Variants in PPP2R5C observed in about 807,000 individuals in gnomAD.
PPP2R5C encodes serine/threonine-protein phosphatase 2A 56 kDa regulatory subunit gamma isoform.
In PPP2R5C, 7 loss-of-function variants were observed where a neutral mutation model predicts 68.9. That is an observed-to-expected ratio of 0.10 (90% CI 0.06 to 0.19). The LOEUF (loss-of-function observed/expected upper bound fraction) is 0.19. Among genes scored for constraint, PPP2R5C ranks in the 10% least tolerant of loss-of-function variants. The pLI is 1.00. For synonymous variants in PPP2R5C, 210 were observed against 222.2 expected, an observed-to-expected ratio of 0.95 and a Z score of 0.49; for missense variants, 348 against 641.3, an observed-to-expected ratio of 0.54 and a Z score of 4.94.
intron 1 of PPP2R5C, among the ~76,000 whole-genome samples, chr14:101,828,320 G>A (rs2140316459): frequency 6.6e-6 from 1 of 152,246 alleles, no homozygotes; most frequent in East Asian, 1.9e-4. Flanking sequence ...ACTCGACAGA[G>A]GGCTGATTGC....
rs1049262995 is a variant in PPP2R5C at position 101,882,384 on chromosome 14, C to T, written c.405+113C>T. ...CAGATGGACCTCTCCTCCTCAGTAG[C>T]ATGGGCCTCGTAAACCCATATGTAC... On this transcript the variant is annotated intron_variant, in intron 3 of 13. Transcript: ENST00000334743. This position sits in a 1 kb window ranked among gnomAD's most constrained non-coding sequence, Gnocchi z 4.9. The T allele has an allele frequency of 5.8e-6, 4 of 685,106 alleles. No individual in the cohort carries two copies. The African/African-American group carries it at 7.3e-5, about 12-fold the overall frequency. 42.4% of individuals were successfully genotyped at this position (685,106 alleles called of 1,614,324 possible).
chr14:101,807,718 A>C (rs2140169934), upstream of PPP2R5C, among the ~76,000 whole-genome samples: 1 of 152,200 alleles, frequency 6.6e-6, no homozygotes, highest in East Asian at 1.9e-4. Flanking sequence ...GGTTCTTTAA[A>C]GAACTACTTA....
chr14:101,913,401 C>A lies in PPP2R5C; in HGVS notation c.1326+928C>A, dbSNP rs981046740. The stretch of plus-strand genomic sequence containing the variant: ...CATGAATATAAAGTTAAAAGTATAT[C>A]TTTACCTATATAACAACATACTGGT... On this transcript the variant is annotated intron_variant, in intron 12 of 13. Transcript: ENST00000334743. The surrounding 1 kb of genome is among the most constrained non-coding windows in gnomAD (Gnocchi z 4.1). Among the ~76,000 whole-genome samples the A allele has an allele frequency of 1.3e-5, 2 of 152,168 alleles. No individual in the cohort carries two copies. The highest frequency in any genetic ancestry group is 4.8e-5 in the African/African-American group (2 of 41,440).
At chr14:101,763,796 T>C (rs75877828) in intron 2 of PPP2R5C, among the ~76,000 whole-genome samples, 9,969 of 152,212 alleles carry the variant, frequency 0.065, 358 homozygotes, top group East Asian at 0.15. Flanking sequence ...TAGGGTCATC[T>C]CCCCACCGCC....
exon 14 of PPP2R5C, chr14:101,925,243 G>A (rs1007611690): frequency 8.7e-6 from 14 of 1,613,524 alleles, no homozygotes; most frequent in South Asian, 7.7e-5. Flanking sequence ...CTGCAGGGCC[G>A]ATGAGCTGGC....
chr14:101,867,550 G>T (rs916721900), intron 2 of PPP2R5C, among the ~76,000 whole-genome samples: 1 of 152,356 alleles, frequency 6.6e-6, no homozygotes, highest in East Asian at 1.9e-4. Flanking sequence ...AGCCGAGGCA[G>T]GTGGATCACC....
rs2044667370 is a variant in PPP2R5C, at chr14:101,888,592, G to A, written c.630-1645G>A. On this transcript the variant is annotated intron_variant, in intron 5 of 13. Transcript: ENST00000334743. This position sits in a 1 kb window ranked among gnomAD's most constrained non-coding sequence, Gnocchi z 5.6. ...TTTTTCTGTTGTGTTGTTTTGTTTT[G>A]TTTTGTTTTGTTTTTTGTTTTGAAA... 6.6e-6 allele frequency among the ~76,000 whole-genome samples: 1 copy of A among 151,566 alleles called. No individual in the cohort carries two copies. The highest frequency in any genetic ancestry group is 2.4e-5 in the African/African-American group (1 of 41,258).
intron 2 of PPP2R5C, among the ~76,000 whole-genome samples, chr14:101,858,258 A>C (rs374506668): frequency 1.5e-4 from 23 of 152,194 alleles, no homozygotes; most frequent in Non-Finnish European, 4.4e-5. Context: ...TAGCCCCAGA[A>C]TCATAAAAAT....
At chr14:101,903,552 G>C (rs969199502) in intron 9 of PPP2R5C, among the ~76,000 whole-genome samples, 1 of 152,188 alleles carries the variant, frequency 6.6e-6, no homozygotes, top group Non-Finnish European at 1.5e-5. Flanking sequence ...ACTCGCCCTC[G>C]TCTGTGTCCC....
At chr14:101,885,932 T>C (rs1324947150) in intron 5 of PPP2R5C, among the ~76,000 whole-genome samples, 14 of 152,264 alleles carry the variant, frequency 9.2e-5, no homozygotes, top group Non-Finnish European at 8.8e-5. Flanking sequence ...TTCTTAATTC[T>C]AGTAGGTTTT....
chr14:101,804,685 C>T (rs1372258126), intron 3 of PPP2R5C, among the ~76,000 whole-genome samples: 2 of 151,414 alleles, frequency 1.3e-5, no homozygotes, highest in East Asian at 3.9e-4. Context: ...AACTCATGGA[C>T]ATAGAGAGTA....
At chr14:101,869,101 C>T (rs1400458050) in intron 2 of PPP2R5C, among the ~76,000 whole-genome samples, 1 of 152,136 alleles carries the variant, frequency 6.6e-6, no homozygotes, top group East Asian at 1.9e-4. Context: ...GTAGTCAGAG[C>T]CTTCCCCTTC....
chr14:101,908,776 A>G (rs1051470169), intron 10 of PPP2R5C, among the ~76,000 whole-genome samples: 1 of 152,116 alleles, frequency 6.6e-6, no homozygotes, highest in Admixed American at 6.5e-5. Flanking sequence ...AGTCAGCACA[A>G]TTCATAACTG....
chr14:101,829,869 G>A (rs559254076), intron 1 of PPP2R5C, among the ~76,000 whole-genome samples: 11 of 152,146 alleles, frequency 7.2e-5, no homozygotes, highest in East Asian at 3.9e-4. Context: ...TGTCGCTGTC[G>A]TATTTTTCTT....
At chr14:101,861,194 C>T (rs549118543) in intron 2 of PPP2R5C, among the ~76,000 whole-genome samples, 3 of 152,254 alleles carry the variant, frequency 2.0e-5, no homozygotes, top group African/African-American at 7.2e-5. Context: ...AGGGGTTGCA[C>T]CCTTTCAAAA....
chr14:101,815,399 T>C (rs1045490604), intron 1 of PPP2R5C, among the ~76,000 whole-genome samples: 4 of 152,196 alleles, frequency 2.6e-5, no homozygotes, highest in African/African-American at 7.2e-5. Context: ...CAGGGTTGAA[T>C]AGGAGTTTGT....
chr14:101,802,552 T>C (rs2038910948), intron 3 of PPP2R5C, among the ~76,000 whole-genome samples: 1 of 152,142 alleles, frequency 6.6e-6, no homozygotes, highest in Non-Finnish European at 1.5e-5. Context: ...AAAGATTTCA[T>C]GACATTGGAT....
At chr14:101,796,541 TTCAGCCCC>T (rs1485786349) in intron 3 of PPP2R5C, 7 of 153,038 alleles carry the variant, frequency 4.6e-5, no homozygotes, top group African/African-American at 1.7e-4. Flanking sequence ...GTGTTCTAGC[TTCAGCCCC>T]TCTAAGCCAC....
chr14:101,897,826 T>A (rs61995297), intron 8 of PPP2R5C, among the ~76,000 whole-genome samples: 1 of 151,854 alleles, frequency 6.6e-6, no homozygotes, highest in Non-Finnish European at 1.5e-5. Flanking sequence ...AAAAAAAATT[T>A]ATCTCTCCCC....
Sources: allele counts gnomAD v4.1 joint callset (sites outside exome capture counted in the v4.1 genomes callset), GRCh38; gene constraint gnomAD v4.1.1; non-coding constraint Gnocchi (gnomAD v3.1); transcripts MANE v1.5; gene names NCBI Gene and HGNC (gene_info 2026-07-23, HGNC 2026-07-21).